The following MEI1 variants were observed in gnomAD, a reference collection of about 807,000 sequenced individuals.
MEI1 encodes the protein meiosis inhibitor protein 1.
Under a neutral mutation model 146.2 loss-of-function variants are expected in MEI1, and 103 were observed. That is an observed-to-expected ratio of 0.70 (90% CI 0.60 to 0.83). The LOEUF (loss-of-function observed/expected upper bound fraction) is 0.83, where lower values mean the gene tolerates loss of function less well. Among genes scored for constraint, MEI1 ranks in the 40% least tolerant of loss-of-function variants. The pLI, the probability that MEI1 is intolerant of heterozygous loss-of-function variation, is 0.00. For missense variants in MEI1, 1,529 were observed against 1,533.0 expected (o/e 1.00, Z 0.04); for synonymous variants, 652 against 628.2 (o/e 1.04, Z -0.57).
chr22:41,701,696 GTTAGAAC>G (rs374154055), intron 1 of MEI1, among the ~76,000 whole-genome samples: 5 of 152,248 alleles, frequency 3.3e-5, no homozygotes, highest in African/African-American at 7.2e-5. Context: ...AAGAGAACAT[GTTAGAAC>G]TTAGAAGAAT....
At chr22:41,790,670 TACA>T (rs774366471) in intron 26 of MEI1, among the ~76,000 whole-genome samples, 5 of 151,998 alleles carry the variant, frequency 3.3e-5, no homozygotes, top group Non-Finnish European at 7.4e-5. Context: ...TCGGCTCACT[TACA>T]ACCTCTGCCT....
intron 30 of MEI1, among the ~76,000 whole-genome samples, chr22:41,797,701 C>A (rs2076411590): frequency 6.6e-6 from 1 of 152,140 alleles, no homozygotes; most frequent in African/African-American, 2.4e-5. Flanking sequence ...CCATCCCCAA[C>A]ATATCTCATT....
At chr22:41,766,423 G>A (rs1381566265) in intron 19 of MEI1, among the ~76,000 whole-genome samples, 1 of 151,914 alleles carries the variant, frequency 6.6e-6, no homozygotes, top group African/African-American at 2.4e-5. Context: ...ACCCGCCTCA[G>A]CCTTCCAAAG....
chr22:41,780,095 C>A (rs1232334176), intron 22 of MEI1, among the ~76,000 whole-genome samples: 1 of 152,190 alleles, frequency 6.6e-6, no homozygotes, highest in East Asian at 1.9e-4. Context: ...TCATCACCAG[C>A]CTGTCTGTGA....
chr22:41,759,630 A>AGT (rs2074332977), intron 18 of MEI1, among the ~76,000 whole-genome samples: 1 of 57,414 alleles, frequency 1.7e-5, no homozygotes, highest in African/African-American at 3.2e-4. Context: ...ACTCCGTCTC[A>AGT]AAAAATAAAT....
Position 41,795,812 on chromosome 22 carries a change from C to T in MEI1, c.3744C>T (p.Ser1248=). 2.5e-6 allele frequency: 4 copies of T among 1,613,718 alleles called. No individual in the cohort carries two copies. The highest frequency in any genetic ancestry group is 3.4e-6 in the Non-Finnish European group (4 of 1,179,796). ...LQASLEGLPP[S]TSSGQPPLQD... is the part of the protein sequence containing the mutation. Reference sequence around the variant, plus strand: ...CCTCCTTGGAGGGCCTTCCCCCTAGCACCTCCTCAGGCCAGCCACCCCTGC... The same window carrying T: ...CCTCCTTGGAGGGCCTTCCCCCTAGTACCTCCTCAGGCCAGCCACCCCTGC... Residue 1248 remains serine (S), a synonymous_variant, in exon 30 of 31, where the codon AGC becomes AGT. Coordinates refer to ENST00000401548, the MANE Select transcript of MEI1 (RefSeq NM_152513.4). This position sits in a 1 kb window ranked among gnomAD's most constrained non-coding sequence, Gnocchi z 4.2.
intron 26 of MEI1, among the ~76,000 whole-genome samples, chr22:41,788,454 T>G (rs2076065735): frequency 6.6e-6 from 1 of 150,830 alleles, no homozygotes; most frequent in South Asian, 2.1e-4. Context: ...TGTTTTGTTT[T>G]TTTTGAGACA....
chr22:41,699,790 C>T, intron 1 of MEI1, 78 bp downstream of exon 1: 1 of 1,456,258 alleles, frequency 6.9e-7, no homozygotes, highest in East Asian at 2.5e-5. Context: ...CCTTGCCAGA[C>T]CCGCTCCGGT....
intron 30 of MEI1, among the ~76,000 whole-genome samples, chr22:41,797,534 C>T (rs2076406202): frequency 6.6e-6 from 1 of 152,036 alleles, no homozygotes; most frequent in Non-Finnish European, 1.5e-5. Flanking sequence ...ACTGCTTGAA[C>T]TTGGGCGGCA....
chr22:41,727,597 T>G (rs1052876996), intron 7 of MEI1, among the ~76,000 whole-genome samples: 42 of 48,726 alleles, frequency 8.6e-4, no homozygotes, highest in African/African-American at 8.2e-3. Flanking sequence ...TAACCTAACC[T>G]TGCTAAAGGT....
At chr22:41,796,778 C>T (rs1349794432) in intron 30 of MEI1, among the ~76,000 whole-genome samples, 1 of 151,996 alleles carries the variant, frequency 6.6e-6, no homozygotes, top group African/African-American at 2.4e-5. Context: ...GAAACCTCAT[C>T]TCTATGAAAA....
At position 41,795,284 on chromosome 22, in the gene MEI1, C is replaced by T. The variant is rs2076321821; in HGVS notation, c.3535-127C>T. The stretch of plus-strand genomic sequence containing the variant: ...CCCACCTCTGCCCACTAACTCTGAG[C>T]TCCTTGAAGGCAGGCAGGTTCTGTG... On this transcript the variant is annotated intron_variant, in intron 28 of 30. Transcript: ENST00000401548. The surrounding 1 kb of genome is among the most constrained non-coding windows in gnomAD (Gnocchi z 4.2). 7.7e-6 allele frequency: 10 copies of T among 1,295,552 alleles called. No homozygotes were observed. The highest frequency in any genetic ancestry group is 1.1e-5 in the Non-Finnish European group (10 of 931,294). The allele number at this position is 1,295,552 out of a possible 1,614,324, so 80.3% of individuals were successfully genotyped here.
At chr22:41,712,221 T>G (rs1368299859) in intron 3 of MEI1, among the ~76,000 whole-genome samples, 1 of 50,544 alleles carries the variant, frequency 2.0e-5, no homozygotes, top group African/African-American at 1.2e-4. Flanking sequence ...AAAAAAGCAT[T>G]GTGTTTTTTT....
intron 24 of MEI1, among the ~76,000 whole-genome samples, chr22:41,782,538 A>G (rs2075803277): frequency 6.6e-6 from 1 of 152,130 alleles, no homozygotes; most frequent in South Asian, 2.1e-4. Context: ...TCTGTGGGCT[A>G]CTTCTCATGG....
chr22:41,785,023 G>A (rs1261593328), intron 26 of MEI1, among the ~76,000 whole-genome samples: 6 of 151,352 alleles, frequency 4.0e-5, no homozygotes, highest in African/African-American at 1.5e-4. Flanking sequence ...TGCAACCTCC[G>A]CCTCCCGGGT....
chr22:41,792,898 G>C (rs1358250793), intron 26 of MEI1, among the ~76,000 whole-genome samples: 4 of 136,588 alleles, frequency 2.9e-5, no homozygotes, highest in Non-Finnish European at 6.2e-5. Context: ...ATACAATTTT[G>C]ATGAAAGATC....
intron 26 of MEI1, among the ~76,000 whole-genome samples, chr22:41,787,631 G>A (rs947968951): frequency 6.6e-6 from 1 of 152,130 alleles, no homozygotes; most frequent in Non-Finnish European, 1.5e-5. Context: ...GGTGAGGAGG[G>A]CCAGTTAGGG....
At chr22:41,784,472 A>G (rs1483426848) in intron 25 of MEI1, 52 bp downstream of exon 25, 3 of 1,603,108 alleles carry the variant, frequency 1.9e-6, no homozygotes, top group African/African-American at 2.7e-5. Flanking sequence ...CTAGGTTTTC[A>G]GATAAGACCA....
chr22:41,701,387 T>C (rs2068715104), intron 1 of MEI1, among the ~76,000 whole-genome samples: 1 of 151,946 alleles, frequency 6.6e-6, no homozygotes, highest in Non-Finnish European at 1.5e-5. Flanking sequence ...TCCCAGCACT[T>C]TGGGAGGCCG....
Sources: gnomAD v4.1 joint callset for allele counts (sites outside exome capture counted in the v4.1 genomes callset) on GRCh38, gnomAD v4.1.1 for gene constraint, Gnocchi (gnomAD v3.1) non-coding constraint, MANE v1.5 for transcripts, NCBI Gene and HGNC (gene_info 2026-07-23, HGNC 2026-07-21) for gene names.